Variants in ST8SIA6 observed in about 807,000 individuals in gnomAD.
ST8SIA6 encodes the protein alpha-2,8-sialyltransferase 8F.
Under a neutral mutation model 33.6 loss-of-function variants are expected in ST8SIA6, and 39 were observed. That is an observed-to-expected ratio of 1.16 (90% CI 0.90 to 1.52). ST8SIA6 has a LOEUF of 1.52. ST8SIA6 is among the 40% of genes most tolerant of loss of function. The probability of loss-of-function intolerance (pLI) is 0.00; values close to 1 mark genes in which losing one functional copy is unlikely to be tolerated. For missense variants in ST8SIA6, 441 were observed against 443.8 expected, an observed-to-expected ratio of 0.99 and a Z score of 0.06; for synonymous variants, 172 against 167.2, an observed-to-expected ratio of 1.03 and a Z score of -0.22.
At chr10:17,432,617 A>G (rs968750945) in intron 2 of ST8SIA6, among the ~76,000 whole-genome samples, 7 of 152,208 alleles carry the variant, frequency 4.6e-5, no homozygotes, top group African/African-American at 1.7e-4. Flanking sequence ...AAGAGTTGAC[A>G]CCAAATTGGT....
At chr10:17,357,184 G>A (rs999848517) in intron 4 of ST8SIA6, among the ~76,000 whole-genome samples, 3 of 151,114 alleles carry the variant, frequency 2.0e-5, no homozygotes, top group African/African-American at 7.3e-5. Context: ...ACCCAGGCTA[G>A]AGGGCAATGG....
At chr10:17,425,779 T>C (rs890323452) in intron 2 of ST8SIA6, among the ~76,000 whole-genome samples, 8 of 151,098 alleles carry the variant, frequency 5.3e-5, no homozygotes, top group African/African-American at 1.5e-4. Flanking sequence ...GAAATGTAAG[T>C]AGGTTGTTTA....
At chr10:17,451,423 G>A (rs892640884) in intron 2 of ST8SIA6, among the ~76,000 whole-genome samples, 7 of 152,204 alleles carry the variant, frequency 4.6e-5, no homozygotes, top group Admixed American at 2.6e-4. Context: ...AAAGGTGGGA[G>A]AGTGAGAGTG....
rs377161940 is a variant in ST8SIA6 at position 17,431,884 on chromosome 10, AAGTACTGTGAAATATATGTGGTGTCAT to A, written c.200+21648_200+21674del. Among the ~76,000 whole-genome samples the A allele has an allele frequency of 3.8e-3, 575 of 152,322 alleles. 3 individuals carry two copies. Among genetic ancestry groups the A allele is most frequent in the African/African-American group, 0.011 (461 of 41,570 alleles). On this transcript the variant is annotated intron_variant, in intron 2 of 7. Transcript: ENST00000377602. ...CTAGTAGGAGGAGATAGATAAGAAC[AAGTACTGTGAAATATATGTGGTGTCAT>A]ATGGTGAAAAGTGGTACAGGAAAAA...
intron 3 of ST8SIA6, among the ~76,000 whole-genome samples, chr10:17,377,421 T>G (rs920002014): frequency 2.0e-5 from 3 of 152,360 alleles, no homozygotes; most frequent in African/African-American, 7.2e-5. Context: ...TAAAAATGCT[T>G]TGAAAACCTA....
intron 4 of ST8SIA6, among the ~76,000 whole-genome samples, chr10:17,341,032 G>A (rs978396462): frequency 6.6e-6 from 1 of 152,186 alleles, no homozygotes; most frequent in Non-Finnish European, 1.5e-5. Flanking sequence ...GAATACTTTG[G>A]TATTACAGGT....
chr10:17,419,850 A>G (rs1468660999), intron 2 of ST8SIA6, among the ~76,000 whole-genome samples: 1 of 152,148 alleles, frequency 6.6e-6, no homozygotes, highest in African/African-American at 2.4e-5. Context: ...ATTTGCACAC[A>G]TTTTTTTAAC....
At chr10:17,363,701 G>A (rs1849469035) in intron 3 of ST8SIA6, among the ~76,000 whole-genome samples, 1 of 152,172 alleles carries the variant, frequency 6.6e-6, no homozygotes, top group Non-Finnish European at 1.5e-5. Context: ...ACTATTGGTA[G>A]CTTGAAATCA....
At chr10:17,381,385 G>A (rs990235540) in intron 3 of ST8SIA6, among the ~76,000 whole-genome samples, 1 of 151,922 alleles carries the variant, frequency 6.6e-6, no homozygotes, top group Admixed American at 6.6e-5. Context: ...TACCTCCATC[G>A]GCATGCCTAA....
chr10:17,323,595 G>T (rs946135318), intron 6 of ST8SIA6, among the ~76,000 whole-genome samples: 4 of 151,720 alleles, frequency 2.6e-5, no homozygotes, highest in Non-Finnish European at 5.9e-5. Flanking sequence ...ATGTTGGCCA[G>T]GCTTGTCTTG....
intron 2 of ST8SIA6, among the ~76,000 whole-genome samples, chr10:17,412,491 G>T (rs1352468110): frequency 6.6e-6 from 1 of 152,170 alleles, no homozygotes; most frequent in Non-Finnish European, 1.5e-5. Flanking sequence ...GATATGATGT[G>T]ATCTAACAAG....
intron 3 of ST8SIA6, among the ~76,000 whole-genome samples, chr10:17,389,413 G>T (rs1017502518): frequency 6.6e-6 from 1 of 152,106 alleles, no homozygotes; most frequent in Non-Finnish European, 1.5e-5. Context: ...GATGAAACTC[G>T]GGTTATTTCC....
At chr10:17,329,362 A>G (rs545674659) in intron 5 of ST8SIA6, among the ~76,000 whole-genome samples, 13 of 152,292 alleles carry the variant, frequency 8.5e-5, no homozygotes, top group African/African-American at 2.9e-4. Flanking sequence ...GCTCTAAACC[A>G]CTACACATTA....
chr10:17,326,685 G>A (rs12776139), intron 6 of ST8SIA6, among the ~76,000 whole-genome samples: 43,315 of 152,096 alleles, frequency 0.28, 6,605 homozygotes, highest in Middle Eastern at 0.38. Flanking sequence ...AGGTGAGCCT[G>A]AGACATGCTG....
intron 2 of ST8SIA6, among the ~76,000 whole-genome samples, chr10:17,424,234 G>A (rs1366149400): frequency 6.6e-6 from 1 of 151,768 alleles, no homozygotes; most frequent in Non-Finnish European, 1.5e-5. Context: ...TTCCTGAGTA[G>A]CTGGAATTAC....
intron 3 of ST8SIA6, among the ~76,000 whole-genome samples, chr10:17,372,259 T>C (rs943049803): frequency 6.6e-6 from 1 of 152,230 alleles, no homozygotes; most frequent in African/African-American, 2.4e-5. Context: ...TCATGGACGC[T>C]TGTGTAAAAT....
At chr10:17,358,824 CA>C (rs1301558343) in intron 4 of ST8SIA6, among the ~76,000 whole-genome samples, 2 of 151,960 alleles carry the variant, frequency 1.3e-5, no homozygotes, top group Non-Finnish European at 2.9e-5. Flanking sequence ...CCCCGCCCCC[CA>C]AAAAAACCAG....
chr10:17,350,414 A>G (rs1848990877), intron 4 of ST8SIA6, among the ~76,000 whole-genome samples: 1 of 152,192 alleles, frequency 6.6e-6, no homozygotes, highest in African/African-American at 2.4e-5. Context: ...AGTTTATGTT[A>G]TTAAGAAAAC....
At chr10:17,324,889 TTATA>T (rs902915221) in intron 6 of ST8SIA6, among the ~76,000 whole-genome samples, 1 of 146,824 alleles carries the variant, frequency 6.8e-6, no homozygotes, top group African/African-American at 2.5e-5. Context: ...TATATGTATA[TTATA>T]TATAACATGT....
Sources: gnomAD v4.1 joint callset for allele counts (sites outside exome capture counted in the v4.1 genomes callset) on GRCh38, gnomAD v4.1.1 for gene constraint, MANE v1.5 for transcripts, NCBI Gene and HGNC (gene_info 2026-07-23, HGNC 2026-07-21) for gene names.